The following ATG5 variants were observed in gnomAD, a reference collection of about 807,000 sequenced individuals.
ATG5 encodes autophagy related 5.
ATG5 carries 14 observed loss-of-function variants against 36.5 expected under a neutral mutation model. The ratio of observed to expected loss-of-function variants is 0.38; its 90% CI spans 0.25 to 0.60. The LOEUF (loss-of-function observed/expected upper bound fraction) is 0.60. Among genes scored for constraint, ATG5 ranks in the 20% least tolerant of loss-of-function variants. ATG5 has a pLI of 0.60. For missense variants in ATG5, 195 were observed against 326.7 expected, an observed-to-expected ratio of 0.60 and a Z score of 3.11; for synonymous variants, 95 against 101.5, an observed-to-expected ratio of 0.94 and a Z score of 0.38.
At chr6:106,302,904 A>G (rs1010446495) in intron 3 of ATG5, among the ~76,000 whole-genome samples, 1 of 152,114 alleles carries the variant, frequency 6.6e-6, no homozygotes, top group Non-Finnish European at 1.5e-5. Flanking sequence ...GCTGAAATAG[A>G]TATTTGTAAC....
At chr6:106,290,424 G>A (rs904993060) in intron 4 of ATG5, among the ~76,000 whole-genome samples, 6 of 151,814 alleles carry the variant, frequency 4.0e-5, no homozygotes, top group Admixed American at 1.3e-4. Flanking sequence ...GGGCTAAAGC[G>A]ATCCTCCTGC....
chr6:106,320,613 A>C (rs1027654261), intron 1 of ATG5, among the ~76,000 whole-genome samples: 2 of 142,066 alleles, frequency 1.4e-5, no homozygotes, highest in Admixed American at 1.4e-4. Context: ...ACCCAAGTCA[A>C]AAGGCTGTTC....
intron 6 of ATG5, among the ~76,000 whole-genome samples, chr6:106,216,563 C>A (rs1295223666): frequency 6.6e-6 from 1 of 151,996 alleles, no homozygotes; most frequent in Non-Finnish European, 1.5e-5. Context: ...TAGTAGTTGC[C>A]AAGGGCTGGA....
chr6:106,323,136 A>C (rs951460047), intron 1 of ATG5, among the ~76,000 whole-genome samples: 2 of 149,518 alleles, frequency 1.3e-5, no homozygotes, highest in Admixed American at 6.6e-5. Flanking sequence ...ACGGGGTTTC[A>C]CCGTGTTAGC....
intron 6 of ATG5, chr6:106,217,441 C>G (rs1198459080): frequency 1.3e-5 from 2 of 152,096 alleles, no homozygotes; most frequent in East Asian, 3.9e-4. Context: ...TAAAAATGTC[C>G]TTACTAACAA....
chr6:106,189,545 C>G lies in ATG5; in HGVS notation c.692-2869G>C, dbSNP rs2114305464. 1.3e-5 allele frequency among the ~76,000 whole-genome samples: 2 copies of G among 151,686 alleles called. 1 individual carries two copies. Among genetic ancestry groups the G allele is most frequent in the Middle Eastern group, 6.8e-3 (2 of 292 alleles). ...CTGAGGTGGGAGGATTGCCTGAGCC[C>G]AGGAGGTCAAGGCTACAGTGAGCCG... On this transcript the variant is annotated intron_variant, in intron 7 of 7. Coordinates refer to ENST00000369076, the MANE Select transcript of ATG5 (RefSeq NM_004849.4).
At chr6:106,273,962 A>G (rs1165335168) in intron 5 of ATG5, among the ~76,000 whole-genome samples, 1 of 152,182 alleles carries the variant, frequency 6.6e-6, no homozygotes, top group African/African-American at 2.4e-5. Context: ...CACACTATCA[A>G]ATAATTATTG....
At chr6:106,225,720 A>G (rs1245390989) in intron 6 of ATG5, among the ~76,000 whole-genome samples, 1 of 152,128 alleles carries the variant, frequency 6.6e-6, no homozygotes, top group Non-Finnish European at 1.5e-5. Flanking sequence ...TTGATCTGCC[A>G]GTTCCCTAGA....
intron 6 of ATG5, among the ~76,000 whole-genome samples, chr6:106,247,082 G>A (rs1391801409): frequency 6.6e-6 from 1 of 152,030 alleles, no homozygotes; most frequent in East Asian, 1.9e-4. Context: ...TTTCCTCTCT[G>A]AACACATAGT....
chr6:106,269,261 G>T (rs2114574539), intron 5 of ATG5, among the ~76,000 whole-genome samples: 1 of 152,246 alleles, frequency 6.6e-6, no homozygotes, highest in Admixed American at 6.5e-5. Context: ...TACAAACCTT[G>T]AGCTAGATAC....
At chr6:106,195,055 T>A (rs185022861) in intron 7 of ATG5, among the ~76,000 whole-genome samples, 1 of 152,256 alleles carries the variant, frequency 6.6e-6, no homozygotes, top group African/African-American at 2.4e-5. Context: ...CTAATTCCCT[T>A]AGCCATTTAC....
chr6:106,194,315 A>C (rs1776087450), intron 7 of ATG5, among the ~76,000 whole-genome samples: 1 of 152,166 alleles, frequency 6.6e-6, no homozygotes, highest in Non-Finnish European at 1.5e-5. Context: ...ATTATTGCTC[A>C]AATATTATCT....
chr6:106,228,279 A>G (rs1255995898), intron 6 of ATG5, among the ~76,000 whole-genome samples: 1 of 152,130 alleles, frequency 6.6e-6, no homozygotes, highest in Non-Finnish European at 1.5e-5. Flanking sequence ...GTTTGCCGCC[A>G]TCGCAGGCCT....
intron 6 of ATG5, among the ~76,000 whole-genome samples, chr6:106,228,000 C>T (rs1257011594): frequency 6.6e-6 from 1 of 152,144 alleles, no homozygotes; most frequent in Non-Finnish European, 1.5e-5. Flanking sequence ...AGAACCTAAG[C>T]ATATCGTAAG....
At chr6:106,243,092 T>C (rs1562232508) in intron 6 of ATG5, among the ~76,000 whole-genome samples, 3 of 152,192 alleles carry the variant, frequency 2.0e-5, no homozygotes, top group Admixed American at 6.5e-5. Context: ...TTTTCAAAAA[T>C]GTACTTTTTC....
At chr6:106,207,266 T>A (rs1429643801) in intron 6 of ATG5, among the ~76,000 whole-genome samples, 1 of 152,220 alleles carries the variant, frequency 6.6e-6, no homozygotes, top group Non-Finnish European at 1.5e-5. Context: ...TTTTTTCTTA[T>A]ATGGGAAATT....
At chr6:106,228,712 T>C (rs1479686634) in intron 6 of ATG5, among the ~76,000 whole-genome samples, 1 of 152,162 alleles carries the variant, frequency 6.6e-6, no homozygotes, top group Non-Finnish European at 1.5e-5. Context: ...TGGACCACTT[T>C]TGCTTGCTAC....
In ATG5 at chr6:106,325,596, T is replaced by TG. The variant is rs1483811163; in HGVS notation, c.-130dup. Reference sequence around the variant, plus strand: ...GGGACGCCCAGATTCCGCGCTCCGGTGGGGCGGCGGGGCAAGCTGCCCGCC... The same window carrying TG: ...GGGACGCCCAGATTCCGCGCTCCGGTGGGGGCGGCGGGGCAAGCTGCCCGCC... On this transcript the variant is annotated 5_prime_UTR_variant, in exon 1 of 8. Transcript: ENST00000369076. 1 of 152,840 alleles carries TG rather than the reference T, an allele frequency of 6.5e-6. No homozygotes were observed. The highest frequency in any genetic ancestry group is 2.4e-5 in the African/African-American group (1 of 41,438). 9.5% of individuals were successfully genotyped at this position (152,840 alleles called of 1,614,324 possible).
chr6:106,191,806 AAAAGT>A lies in ATG5; in HGVS notation c.692-5135_692-5131del, dbSNP rs1315344683. Among the ~76,000 whole-genome samples the A allele has an allele frequency of 5.3e-5, 8 of 152,270 alleles. No individual in the cohort carries two copies. In the East Asian group the frequency reaches 1.5e-3, roughly 29 times the overall value. On this transcript the variant is annotated intron_variant, in intron 7 of 7. Transcript: ENST00000369076. ...TTAAAAAGGTCATGATTTAGTAACA[AAAAGT>A]AAAGAGCGATTGTAATTCTCTTCCT... is the stretch of plus-strand genomic sequence containing the variant.
Sources: allele counts gnomAD v4.1 joint callset (sites outside exome capture counted in the v4.1 genomes callset), GRCh38; gene constraint gnomAD v4.1.1; transcripts MANE v1.5; gene names NCBI Gene and HGNC (gene_info 2026-07-23, HGNC 2026-07-21).